ENTREP2: variants seen among roughly 807,000 people sequenced by gnomAD.
The protein encoded by ENTREP2 is endosomal transmembrane epsin interactor 2, also known as protein ENTREP2.
chr15:29,429,455 A>G, the ENTREP2 span, among the ~76,000 whole-genome samples: 1 of 152,192 alleles, frequency 6.6e-6, no homozygotes, highest in Non-Finnish European at 1.5e-5. Context: ...TTCTGGCCTC[A>G]AGCAATCCTC....
chr15:29,414,529 T>G, the ENTREP2 span, among the ~76,000 whole-genome samples: 3 of 152,064 alleles, frequency 2.0e-5, no homozygotes, highest in Admixed American at 6.6e-5. Context: ...TAGCACTAAA[T>G]GCCCACAAGA....
At chr15:29,489,956 C>T in the ENTREP2 span, among the ~76,000 whole-genome samples, 1 of 152,220 alleles carries the variant, frequency 6.6e-6, no homozygotes, top group African/African-American at 2.4e-5. Flanking sequence ...TGTTTTAATT[C>T]TTCTGAAATG....
At chr15:29,549,275 A>ATTTT in the ENTREP2 span, among the ~76,000 whole-genome samples, 2,194 of 148,460 alleles carry the variant, frequency 0.015, 61 homozygotes, top group African/African-American at 0.052. Context: ...TTTGTTATAC[A>ATTTT]TTTTTTTTTT....
the ENTREP2 span, among the ~76,000 whole-genome samples, chr15:29,127,741 A>G: frequency 6.6e-6 from 1 of 152,092 alleles, no homozygotes; most frequent in Non-Finnish European, 1.5e-5. Flanking sequence ...CTGGGTGAGG[A>G]GCACCCCTGT....
the ENTREP2 span, among the ~76,000 whole-genome samples, chr15:29,118,476 G>A: frequency 6.6e-6 from 1 of 152,184 alleles, no homozygotes; most frequent in Admixed American, 6.5e-5. Flanking sequence ...TAATGAGTTC[G>A]GTGGGTGGGT....
the ENTREP2 span, among the ~76,000 whole-genome samples, chr15:29,358,770 A>G: frequency 2.0e-5 from 3 of 152,162 alleles, no homozygotes; most frequent in Admixed American, 6.5e-5. Flanking sequence ...AAAAGACAGA[A>G]GTGCCGAAGA....
the ENTREP2 span, among the ~76,000 whole-genome samples, chr15:29,607,825 T>TAGATAGAC: frequency 4.7e-5 from 4 of 84,910 alleles, no homozygotes; most frequent in African/African-American, 2.9e-4. Flanking sequence ...GATAGATAGA[T>TAGATAGAC]AGACAGACAG....
At chr15:29,416,501 G>A in the ENTREP2 span, among the ~76,000 whole-genome samples, 3 of 152,054 alleles carry the variant, frequency 2.0e-5, no homozygotes, top group African/African-American at 4.8e-5. Context: ...TTAATTCAAG[G>A]TGGATTAAAG....
chr15:29,254,548 A>G, the ENTREP2 span, among the ~76,000 whole-genome samples: 1 of 151,858 alleles, frequency 6.6e-6, no homozygotes, highest in East Asian at 1.9e-4. Context: ...TCTTTGACAC[A>G]TGTCTATTTT....
chr15:29,441,228 G>A, the ENTREP2 span, among the ~76,000 whole-genome samples: 1 of 152,318 alleles, frequency 6.6e-6, no homozygotes, highest in Admixed American at 6.5e-5. Flanking sequence ...AAATATGTGT[G>A]ACTCCACTTC....
chr15:29,190,270 T>C, the ENTREP2 span, among the ~76,000 whole-genome samples: 2 of 152,252 alleles, frequency 1.3e-5, no homozygotes, highest in East Asian at 3.9e-4. Context: ...CTGTGCCCTC[T>C]GCCCTGCTCC....
chr15:29,551,542 T>C, the ENTREP2 span, among the ~76,000 whole-genome samples: 1 of 152,162 alleles, frequency 6.6e-6, no homozygotes, highest in Non-Finnish European at 1.5e-5. Flanking sequence ...TGCTCAAAAC[T>C]TCACTGTGCA....
the ENTREP2 span, among the ~76,000 whole-genome samples, chr15:29,463,752 G>A: frequency 1.3e-5 from 2 of 152,154 alleles, no homozygotes; most frequent in Admixed American, 6.5e-5. Context: ...AGATATCTGT[G>A]CACCTATGTT....
the ENTREP2 span, chr15:29,570,654 C>G: frequency 3.0e-6 from 4 of 1,335,600 alleles, no homozygotes; most frequent in Non-Finnish European, 2.9e-6. Context: ...CCCGGGCACT[C>G]GCGCAGGCGG....
the ENTREP2 span, among the ~76,000 whole-genome samples, chr15:29,468,413 C>G: frequency 6.6e-6 from 1 of 152,028 alleles, no homozygotes; most frequent in Non-Finnish European, 1.5e-5. Context: ...GAGATCGAGA[C>G]CAGCCTGGCG....
the ENTREP2 span, among the ~76,000 whole-genome samples, chr15:29,221,775 A>C: frequency 6.6e-6 from 1 of 152,158 alleles, no homozygotes; most frequent in Admixed American, 6.5e-5. Flanking sequence ...GAAAGGGCTA[A>C]AGAGAATCGT....
the ENTREP2 span, among the ~76,000 whole-genome samples, chr15:29,645,490 G>C: frequency 6.6e-6 from 1 of 152,150 alleles, no homozygotes; most frequent in Non-Finnish European, 1.5e-5. Flanking sequence ...CACCAAAGTT[G>C]CCACATTACA....
chr15:29,400,226 A>G, the ENTREP2 span, among the ~76,000 whole-genome samples: 1 of 151,240 alleles, frequency 6.6e-6, no homozygotes, highest in African/African-American at 2.5e-5. Flanking sequence ...TAAACTATAG[A>G]CAAACAGCTT....
At chr15:29,627,787 G>A in the ENTREP2 span, among the ~76,000 whole-genome samples, 2 of 152,162 alleles carry the variant, frequency 1.3e-5, no homozygotes, top group South Asian at 4.2e-4. Context: ...TGTTTTCAAG[G>A]TTCATCACAT....
Sources: gnomAD v4.1 joint callset for allele counts (sites outside exome capture counted in the v4.1 genomes callset) on GRCh38, gnomAD v4.1.1 for gene constraint, MANE v1.5 for transcripts, NCBI Gene and HGNC (gene_info 2026-07-23, HGNC 2026-07-21) for gene names.